Variants in ARHGEF10 observed in about 807,000 individuals in gnomAD.
ARHGEF10 encodes the protein Rho guanine nucleotide exchange factor (GEF) 10.
ARHGEF10 carries 140 observed loss-of-function variants against 147.4 expected under a neutral mutation model. The ratio of observed to expected loss-of-function variants is 0.95; its 90% CI spans 0.83 to 1.09. ARHGEF10 has a LOEUF of 1.09. Ranked by LOEUF, ARHGEF10 falls within the 50% of genes least tolerant of loss-of-function variation. The probability of loss-of-function intolerance (pLI) is 0.00; values close to 1 mark genes in which losing one functional copy is unlikely to be tolerated. For missense variants in ARHGEF10, 2,222 were observed against 1,752.7 expected (o/e 1.27, Z -4.78); for synonymous variants, 902 against 695.8 (o/e 1.30, Z -4.67).
intron 6 of ARHGEF10, among the ~76,000 whole-genome samples, chr8:1,868,465 C>G (rs140410514): frequency 2.1e-4 from 32 of 152,324 alleles, no homozygotes; most frequent in African/African-American, 7.7e-4. Flanking sequence ...GCGTGTAACT[C>G]TTACAGATAT....
chr8:1,849,980 G>A (rs1378102008), intron 2 of ARHGEF10, among the ~76,000 whole-genome samples: 6 of 95,284 alleles, frequency 6.3e-5, no homozygotes, highest in Non-Finnish European at 9.1e-5. Flanking sequence ...TGGGCCGGCT[G>A]CATGGACACA....
At chr8:1,853,159 G>C (rs543340850) in intron 2 of ARHGEF10, among the ~76,000 whole-genome samples, 9 of 152,318 alleles carry the variant, frequency 5.9e-5, no homozygotes, top group Non-Finnish European at 2.9e-5. Context: ...TTCCTCCTCC[G>C]TGTCATGGCC....
intron 25 of ARHGEF10, among the ~76,000 whole-genome samples, chr8:1,930,395 G>A (rs1307315452): frequency 1.3e-5 from 2 of 152,150 alleles, no homozygotes; most frequent in Admixed American, 1.3e-4. Flanking sequence ...CCGCCTGGAT[G>A]GCAGCGTAGC....
At position 1,952,839 on chromosome 8, in the gene ARHGEF10, C is replaced by T; in HGVS notation, c.3520+12C>T. 6.2e-7 allele frequency: 1 copy of T among 1,613,758 alleles called. No homozygotes were observed. Among genetic ancestry groups the T allele is most frequent in the Non-Finnish European group, 8.5e-7 (1 of 1,180,046 alleles). On this transcript the variant is annotated intron_variant, in intron 28 of 28. Coordinates refer to ENST00000349830, the MANE Select transcript of ARHGEF10 (RefSeq NM_014629.4). ...TCCCAAAGTGACCGGTGAGTGGCACCTGCAGTCTGAGTGGCTGCATCCTGT... is the reference window on the plus strand; with the variant it reads ...TCCCAAAGTGACCGGTGAGTGGCACTTGCAGTCTGAGTGGCTGCATCCTGT...
rs746513209 is a variant in ARHGEF10 at position 1,909,404 on chromosome 8, G to A, written c.2077G>A (p.Glu693Lys). The change falls in exon 18 of 29, where the codon GAG becomes AAG. Residue 693 changes from glutamate (E) to lysine (K), a missense_variant. Coordinates refer to ENST00000349830, the MANE Select transcript of ARHGEF10 (RefSeq NM_014629.4). ...GTATGGCAGCAGCGCAGGCACGGGC[G>A]AGCACAGCAGGCACCTTGCCGTTCA... ...IEYGSSAGTG[E>K]HSRHLAVHPP... 6 of 1,614,116 alleles carry A rather than the reference G, an allele frequency of 3.7e-6. No individual in the cohort carries two copies. The South Asian group carries it at 4.4e-5, about 12-fold the overall frequency.
intron 1 of ARHGEF10, among the ~76,000 whole-genome samples, chr8:1,842,247 G>C (rs796983901): frequency 2.0e-5 from 3 of 151,944 alleles, no homozygotes; most frequent in African/African-American, 7.3e-5. Flanking sequence ...AGGAGGTGCC[G>C]CATCTGAGGT....
intron 18 of ARHGEF10, among the ~76,000 whole-genome samples, chr8:1,919,456 C>CTGT (rs1812041782): frequency 7.0e-6 from 1 of 142,470 alleles, no homozygotes; most frequent in African/African-American, 2.7e-5. Flanking sequence ...TGGAGCTGTT[C>CTGT]CATGGGTGAT....
In ARHGEF10 at chr8:1,948,907, A is replaced by G. The variant is rs1398656715; in HGVS notation, c.3397+3252A>G. Among the ~76,000 whole-genome samples the G allele has an allele frequency of 1.3e-5, 2 of 151,932 alleles. No individual in the cohort carries two copies. The highest frequency in any genetic ancestry group is 2.4e-5 in the African/African-American group (1 of 41,372). ...CTGCTCCTGGGTTCTTCTCCTCCTTATCGTCCAAGATGGTTCCTGGAGGCC... is the reference window on the plus strand; with the variant it reads ...CTGCTCCTGGGTTCTTCTCCTCCTTGTCGTCCAAGATGGTTCCTGGAGGCC... On this transcript the variant is annotated intron_variant, in intron 27 of 28. Coordinates refer to ENST00000349830, the MANE Select transcript of ARHGEF10 (RefSeq NM_014629.4). The surrounding 1 kb of genome is among the most constrained non-coding windows in gnomAD (Gnocchi z 4.9).
chr8:1,901,509 C>G (rs976595467), intron 15 of ARHGEF10, among the ~76,000 whole-genome samples: 2 of 152,220 alleles, frequency 1.3e-5, no homozygotes, highest in Non-Finnish European at 2.9e-5. Flanking sequence ...TGACATTTGT[C>G]TTTATCCCAG....
At chr8:1,944,675 G>A (rs1814416207) in intron 26 of ARHGEF10, among the ~76,000 whole-genome samples, 1 of 152,230 alleles carries the variant, frequency 6.6e-6, no homozygotes, top group Non-Finnish European at 1.5e-5. Flanking sequence ...GCAGGATCGT[G>A]AGTTTCTTTA....
At chr8:1,869,283 T>C in intron 7 of ARHGEF10, 33 bp downstream of exon 7, 1 of 1,592,798 alleles carries the variant, frequency 6.3e-7, no homozygotes, top group South Asian at 1.1e-5. Context: ...TTTGAGGAGA[T>C]TCAGCTCAGC....
chr8:1,915,877 G>C (rs1468117000), intron 18 of ARHGEF10, among the ~76,000 whole-genome samples: 1 of 152,198 alleles, frequency 6.6e-6, no homozygotes, highest in Non-Finnish European at 1.5e-5. Context: ...GGCCTGTATA[G>C]CTGACCTGTG....
At chr8:1,896,940 G>A (rs1373678572) in intron 14 of ARHGEF10, among the ~76,000 whole-genome samples, 2 of 152,204 alleles carry the variant, frequency 1.3e-5, no homozygotes, top group African/African-American at 4.8e-5. Flanking sequence ...GCAGTGATGG[G>A]GAGCACGTCC....
intron 11 of ARHGEF10, among the ~76,000 whole-genome samples, chr8:1,888,501 G>C (rs1808998875): frequency 7.4e-6 from 1 of 135,324 alleles, no homozygotes; most frequent in African/African-American, 3.1e-5. Context: ...TAAGAAGTCT[G>C]TGGAGATACT....
intron 26 of ARHGEF10, among the ~76,000 whole-genome samples, chr8:1,938,171 C>T (rs1813777609): frequency 6.6e-6 from 1 of 152,166 alleles, no homozygotes; most frequent in Non-Finnish European, 1.5e-5. Flanking sequence ...CTCTTTTTCT[C>T]CAACTGCAAA....
chr8:1,955,719 A>G (rs754918544), intron 28 of ARHGEF10, among the ~76,000 whole-genome samples: 3 of 152,244 alleles, frequency 2.0e-5, no homozygotes, highest in Non-Finnish European at 4.4e-5. Flanking sequence ...GTTTCTTTGG[A>G]TGGTAGCTAG....
At chr8:1,902,150 A>T (rs1358253448) in intron 15 of ARHGEF10, among the ~76,000 whole-genome samples, 1 of 148,644 alleles carries the variant, frequency 6.7e-6, no homozygotes, top group Non-Finnish European at 1.5e-5. Flanking sequence ...CCCTCCCCTC[A>T]CCCCCCGCCC....
chr8:1,922,930 G>A (rs756119666), intron 18 of ARHGEF10, 34 bp from the exon 19 acceptor site: 1 of 1,465,316 alleles, frequency 6.8e-7, no homozygotes, highest in Admixed American at 1.7e-5. Flanking sequence ...CTTTACCTTT[G>A]TATTCTTTTT....
chr8:1,922,045 C>T (rs1239642489), intron 18 of ARHGEF10, among the ~76,000 whole-genome samples: 1 of 152,068 alleles, frequency 6.6e-6, no homozygotes, highest in Non-Finnish European at 1.5e-5. Context: ...GAGATCAAAT[C>T]CTTCTCATCT....
Sources: allele counts gnomAD v4.1 joint callset (sites outside exome capture counted in the v4.1 genomes callset), GRCh38; gene constraint gnomAD v4.1.1; non-coding constraint Gnocchi (gnomAD v3.1); transcripts MANE v1.5; gene names NCBI Gene and HGNC (gene_info 2026-07-23, HGNC 2026-07-21).